Variants in KANK1 observed in about 807,000 individuals in gnomAD.
The protein encoded by KANK1 is KN motif and ankyrin repeat domain-containing protein 1.
KANK1 carries 109 observed loss-of-function variants against 106.2 expected under a neutral mutation model. The observed-to-expected ratio is 1.03, with a 90% CI of 0.88 to 1.20. The LOEUF (loss-of-function observed/expected upper bound fraction) is 1.20. Ranked by LOEUF, KANK1 falls within the 50% of genes most tolerant of loss-of-function variation. The pLI, the probability that KANK1 is intolerant of heterozygous loss-of-function variation, is 0.00. For synonymous variants in KANK1, 873 were observed against 652.2 expected (o/e 1.34, Z -5.16); for missense variants, 2,399 against 1,710.7 (o/e 1.40, Z -7.10).
At chr9:689,821 A>G (rs1819448527) in intron 2 of KANK1, among the ~76,000 whole-genome samples, 1 of 152,134 alleles carries the variant, frequency 6.6e-6, no homozygotes, top group Non-Finnish European at 1.5e-5. Flanking sequence ...CCAGGCCCTC[A>G]GCGTGGGGTA....
intron 2 of KANK1, among the ~76,000 whole-genome samples, chr9:679,837 T>G (rs986204007): frequency 6.6e-6 from 1 of 152,230 alleles, no homozygotes. Flanking sequence ...GTTATATATT[T>G]CACATGGTTG....
At chr9:666,131 T>C (rs528496512) in intron 1 of KANK1, among the ~76,000 whole-genome samples, 31 of 152,114 alleles carry the variant, frequency 2.0e-4, no homozygotes, top group African/African-American at 7.0e-4. Flanking sequence ...CAGTGCTCAC[T>C]GCATTGGTGA....
chr9:721,062 A>G (rs1035264398), intron 3 of KANK1, among the ~76,000 whole-genome samples: 2 of 152,176 alleles, frequency 1.3e-5, no homozygotes, highest in African/African-American at 4.8e-5. Context: ...GAAAATACTG[A>G]TGCCTGCAAT....
chr9:660,567 C>T (rs114219591), intron 1 of KANK1, among the ~76,000 whole-genome samples: 1 of 152,152 alleles, frequency 6.6e-6, no homozygotes, highest in Non-Finnish European at 1.5e-5. Flanking sequence ...AGTGTCAAGT[C>T]TGAAACAAAG....
At chr9:638,796 C>T (rs1010851920) in intron 1 of KANK1, among the ~76,000 whole-genome samples, 5 of 152,166 alleles carry the variant, frequency 3.3e-5, no homozygotes, top group African/African-American at 1.2e-4. Flanking sequence ...GAAATTTTCT[C>T]TTCTATCCCT....
At chr9:619,392 A>C (rs1832618516) in intron 1 of KANK1, among the ~76,000 whole-genome samples, 1 of 152,184 alleles carries the variant, frequency 6.6e-6, no homozygotes, top group African/African-American at 2.4e-5. Context: ...ATGTGAGAGC[A>C]CCTTCTTTCT....
At chr9:665,558 C>G (rs920876741) in intron 1 of KANK1, among the ~76,000 whole-genome samples, 1 of 152,164 alleles carries the variant, frequency 6.6e-6, no homozygotes, top group African/African-American at 2.4e-5. Flanking sequence ...CCGTGCTGAT[C>G]TGGCTACTAT....
intron 1 of KANK1, among the ~76,000 whole-genome samples, chr9:624,298 T>G (rs1014267381): frequency 2.0e-5 from 3 of 152,114 alleles, no homozygotes. Flanking sequence ...TTCTGGAGAT[T>G]AGGGAGCGTC....
intron 1 of KANK1, among the ~76,000 whole-genome samples, chr9:632,821 C>T (rs1306249018): frequency 3.3e-5 from 5 of 152,064 alleles, no homozygotes; most frequent in African/African-American, 7.2e-5. Context: ...ATTCGAGTAG[C>T]TGGGTTTACA....
At chr9:685,293 C>T (rs1011317428) in intron 2 of KANK1, among the ~76,000 whole-genome samples, 3 of 152,134 alleles carry the variant, frequency 2.0e-5, no homozygotes, top group Non-Finnish European at 2.9e-5. Flanking sequence ...AAAATAAGTA[C>T]GCTGCTATTT....
At position 547,656 on chromosome 9, in the gene KANK1, T is replaced by C. The variant is rs974096509; in HGVS notation, c.-84+42902T>C. Among the ~76,000 whole-genome samples, 4 of 150,624 alleles carry C rather than the reference T, an allele frequency of 2.7e-5. No individual in the cohort carries two copies. The East Asian group carries it at 7.7e-4, about 29-fold the overall frequency. On this transcript the variant is annotated intron_variant, in intron 1 of 11. Coordinates refer to ENST00000382297, the MANE Select transcript of KANK1 (RefSeq NM_015158.5). ...TCTTTCTATTAAATTGTCTTTCACA[T>C]GGTTTCAAAGATAGGGCTAGTGATA...
At chr9:612,991 A>G (rs1458512606) in intron 1 of KANK1, among the ~76,000 whole-genome samples, 1 of 152,188 alleles carries the variant, frequency 6.6e-6, no homozygotes, top group Non-Finnish European at 1.5e-5. Flanking sequence ...TTTTATTTAT[A>G]TGTACCAAAT....
intron 2 of KANK1, among the ~76,000 whole-genome samples, chr9:691,611 A>G (rs908989986): frequency 2.8e-4 from 20 of 71,082 alleles, no homozygotes; most frequent in Admixed American, 2.4e-3. Flanking sequence ...TAATACCAGA[A>G]TTTTTTTTTT....
chr9:528,662 A>G (rs1040949143), intron 1 of KANK1, among the ~76,000 whole-genome samples: 5 of 151,446 alleles, frequency 3.3e-5, no homozygotes, highest in African/African-American at 1.2e-4. Context: ...TAATTTTTGT[A>G]TTTTTAGTAG....
intron 4 of KANK1, 136 bp downstream of exon 4, chr9:730,384 A>G (rs1831889174): frequency 1.1e-6 from 1 of 928,564 alleles, no homozygotes; most frequent in Non-Finnish European, 1.6e-6. Flanking sequence ...TAGGCCCAGA[A>G]TATCTTTAAA....
At chr9:623,985 A>G (rs1000197107) in intron 1 of KANK1, among the ~76,000 whole-genome samples, 2 of 152,170 alleles carry the variant, frequency 1.3e-5, no homozygotes, top group African/African-American at 4.8e-5. Context: ...CCCAAGTGCC[A>G]TTTATCTTAG....
chr9:507,831 C>T (rs1352699844), intron 1 of KANK1, among the ~76,000 whole-genome samples: 1 of 152,090 alleles, frequency 6.6e-6, no homozygotes, highest in Non-Finnish European at 1.5e-5. Context: ...GTCAGGATTA[C>T]AGGTGTGAGC....
At chr9:502,276 T>A (rs1186935351), upstream of KANK1, among the ~76,000 whole-genome samples, 2 of 152,204 alleles carry the variant, frequency 1.3e-5, no homozygotes, top group Admixed American at 1.3e-4. Context: ...TGTGTGACTT[T>A]GGGAATATAT....
At chr9:471,883 G>C (rs2058027969) in intron 2 of KANK1, among the ~76,000 whole-genome samples, 1 of 152,128 alleles carries the variant, frequency 6.6e-6, no homozygotes, top group South Asian at 2.1e-4. Flanking sequence ...GGTGTTGCTA[G>C]CCACATGAGG....
Sources: allele counts gnomAD v4.1 joint callset (sites outside exome capture counted in the v4.1 genomes callset), GRCh38; gene constraint gnomAD v4.1.1; transcripts MANE v1.5; gene names NCBI Gene and HGNC (gene_info 2026-07-23, HGNC 2026-07-21).